Variants in ACAP2 observed in about 807,000 individuals in gnomAD.
ACAP2 encodes ArfGAP with coiled-coil, ankyrin repeat and PH domains 2.
Under a neutral mutation model 115.8 loss-of-function variants are expected in ACAP2, and 39 were observed. The ratio of observed to expected loss-of-function variants is 0.34; its 90% CI spans 0.26 to 0.44. The LOEUF is 0.44. Ranked by LOEUF, ACAP2 falls within the 20% of genes least tolerant of loss-of-function variation. The probability of loss-of-function intolerance (pLI) is 1.00; values close to 1 mark genes in which losing one functional copy is unlikely to be tolerated. For missense variants in ACAP2, 662 were observed against 927.6 expected (o/e 0.71, Z 3.72); for synonymous variants, 289 against 315.8 (o/e 0.92, Z 0.90).
At chr3:195,423,701 G>T (rs1237295266) in intron 1 of ACAP2, among the ~76,000 whole-genome samples, 1 of 150,434 alleles carries the variant, frequency 6.6e-6, no homozygotes, top group East Asian at 1.9e-4. Context: ...ACTCAACTCT[G>T]CCGTTGTAGC....
intron 4 of ACAP2, among the ~76,000 whole-genome samples, chr3:195,377,222 G>A (rs1344639865): frequency 1.5e-5 from 2 of 133,568 alleles, no homozygotes; most frequent in African/African-American, 5.7e-5. Context: ...ACAGCTCACT[G>A]TGGCCCCAAC....
chr3:195,442,731 G>A, intron 1 of ACAP2, 64 bp downstream of exon 1: 1 of 1,501,246 alleles, frequency 6.7e-7, no homozygotes, highest in Non-Finnish European at 8.9e-7. Context: ...CGCGGGCCCG[G>A]CTTTCACGCC....
At chr3:195,368,203 G>A (rs956925380) in intron 4 of ACAP2, among the ~76,000 whole-genome samples, 4 of 152,134 alleles carry the variant, frequency 2.6e-5, no homozygotes, top group African/African-American at 7.2e-5. Flanking sequence ...AGACTGGAGC[G>A]CAGTGGCTCG....
At chr3:195,313,917 GATT>G (rs1346034432) in intron 10 of ACAP2, among the ~76,000 whole-genome samples, 1 of 152,094 alleles carries the variant, frequency 6.6e-6, no homozygotes, top group Non-Finnish European at 1.5e-5. Flanking sequence ...AACAAAGAAA[GATT>G]ATTGTGGTGA....
chr3:195,364,329 A>G (rs953051712), intron 4 of ACAP2, among the ~76,000 whole-genome samples: 3 of 152,254 alleles, frequency 2.0e-5, no homozygotes, highest in African/African-American at 7.2e-5. Flanking sequence ...GCCAACAGGC[A>G]TATGAAAAGG....
At chr3:195,438,392 TAA>T (rs11340511) in intron 1 of ACAP2, among the ~76,000 whole-genome samples, 126 of 146,498 alleles carry the variant, frequency 8.6e-4, no homozygotes, top group African/African-American at 1.9e-3. Flanking sequence ...CTTCTGAGAT[TAA>T]AAAAAAAAAA....
At chr3:195,297,328 TTAAAA>T (rs765143012) in intron 15 of ACAP2, 47 bp from the exon 16 acceptor site, 10 of 1,517,356 alleles carry the variant, frequency 6.6e-6, no homozygotes, top group Non-Finnish European at 9.0e-6. Flanking sequence ...ATTAAAGACC[TTAAAA>T]TAAGCTAAAA....
intron 1 of ACAP2, among the ~76,000 whole-genome samples, chr3:195,418,065 C>T (rs933449450): frequency 6.6e-6 from 1 of 152,188 alleles, no homozygotes; most frequent in Non-Finnish European, 1.5e-5. Flanking sequence ...AAAACGCCTC[C>T]GTCTTCCACA....
intron 1 of ACAP2, 102 bp downstream of exon 1, chr3:195,442,693 G>A: frequency 1.6e-6 from 2 of 1,261,382 alleles, no homozygotes; most frequent in Non-Finnish European, 2.2e-6. Context: ...CCGTCGGAAG[G>A]AGCGGACGGC....
At chr3:195,294,130 C>G (rs977100323) in intron 18 of ACAP2, among the ~76,000 whole-genome samples, 1 of 151,790 alleles carries the variant, frequency 6.6e-6, no homozygotes, top group Non-Finnish European at 1.5e-5. Context: ...CAGAGCAAGA[C>G]TCCATCTCAA....
rs11923271 is a variant in ACAP2, at chr3:195,278,083, G to C, written c.*1245C>G. 9.2e-6 allele frequency: 1 copy of C among 109,102 alleles called. No individual in the cohort carries two copies. Among genetic ancestry groups the C allele is most frequent in the African/African-American group, 3.6e-5 (1 of 27,874 alleles). The allele number at this position is 109,102 out of a possible 1,614,324, so 6.8% of individuals were successfully genotyped here. On this transcript the variant is annotated 3_prime_UTR_variant, in exon 23 of 23. Transcript: ENST00000326793. ...GTGACACAGCAAGACGCCATCTCGG[G>C]AAAAAAAAAAAAAAAAAGCAAATTA...
rs1438879991 is a variant in ACAP2 at position 195,347,906 on chromosome 3, A to AGG, written c.286-2590_286-2589insCC. Among the ~76,000 whole-genome samples the AGG allele has an allele frequency of 1.7e-3, 265 of 152,210 alleles. 1 individual carries two copies. Among genetic ancestry groups the AGG allele is most frequent in the African/African-American group, 5.0e-3 (206 of 41,536 alleles). On this transcript the variant is annotated intron_variant, in intron 4 of 22. Transcript: ENST00000326793. ...ACACACTTGTAGTCCTAACTATTCAAGAGACTAAGGCAAGAGAATCACTTG... is the reference window on the plus strand; with the variant it reads ...ACACACTTGTAGTCCTAACTATTCAAGGGAGACTAAGGCAAGAGAATCACTTG...
chr3:195,429,578 T>G (rs1714953447), intron 1 of ACAP2, among the ~76,000 whole-genome samples: 1 of 152,032 alleles, frequency 6.6e-6, no homozygotes, highest in African/African-American at 2.4e-5. Context: ...CTTTAGGTGG[T>G]GGGGGAAGCA....
Position 195,279,445 on chromosome 3 carries a change from A to C in ACAP2, c.2237-17T>G. ...TTTCATCACCTGCATGAAATAAAAT[A>C]AAGACACTTTAAACATTTACACAAG... On this transcript the variant is annotated splice_polypyrimidine_tract_variant and intron_variant, in intron 22 of 22. Transcript: ENST00000326793. The C allele has an allele frequency of 6.7e-7, 1 of 1,482,688 alleles. No individual in the cohort carries two copies. The highest frequency in any genetic ancestry group is 9.2e-7 in the Non-Finnish European group (1 of 1,082,908). The allele number at this position is 1,482,688 out of a possible 1,614,324, so 91.8% of individuals were successfully genotyped here.
chr3:195,365,936 G>A (rs1295886557), intron 4 of ACAP2, among the ~76,000 whole-genome samples: 4 of 151,558 alleles, frequency 2.6e-5, no homozygotes, highest in African/African-American at 4.9e-5. Context: ...GCACTTCCTG[G>A]GTTCAAGCAA....
rs890865387 is a variant in ACAP2, at chr3:195,353,166, T to A, written c.286-7849A>T. On this transcript the variant is annotated intron_variant, in intron 4 of 22. Coordinates refer to ENST00000326793, the MANE Select transcript of ACAP2 (RefSeq NM_012287.6). Reference sequence around the variant, plus strand: ...TTGTTTTAGCAGTAACCAGATTTCATGTCATAAGGACACTCAAGCATCCCT... The same window carrying A: ...TTGTTTTAGCAGTAACCAGATTTCAAGTCATAAGGACACTCAAGCATCCCT... 2.6e-5 allele frequency among the ~76,000 whole-genome samples: 4 copies of A among 151,844 alleles called. No homozygotes were observed. The South Asian group carries it at 6.2e-4, about 24-fold the overall frequency.
chr3:195,405,613 G>A (rs1712699691), intron 1 of ACAP2, among the ~76,000 whole-genome samples: 1 of 151,910 alleles, frequency 6.6e-6, no homozygotes, highest in South Asian at 2.1e-4. Flanking sequence ...TTGAACCCAG[G>A]AGGCGGAGGT....
At chr3:195,291,001 G>C (rs1297083076) in intron 20 of ACAP2, among the ~76,000 whole-genome samples, 1 of 152,050 alleles carries the variant, frequency 6.6e-6, no homozygotes, top group Admixed American at 6.5e-5. Flanking sequence ...GCAACAGGGC[G>C]AGACCCTGTC....
intron 4 of ACAP2, among the ~76,000 whole-genome samples, chr3:195,375,010 G>C (rs2108737610): frequency 6.6e-6 from 1 of 151,910 alleles, no homozygotes; most frequent in East Asian, 2.0e-4. Flanking sequence ...TGGCCAGCAT[G>C]GTAAAACCCC....
Sources: gnomAD v4.1 joint callset for allele counts (sites outside exome capture counted in the v4.1 genomes callset) on GRCh38, gnomAD v4.1.1 for gene constraint, MANE v1.5 for transcripts, NCBI Gene and HGNC (gene_info 2026-07-23, HGNC 2026-07-21) for gene names.